Variants in RGS7BP observed in about 807,000 individuals in gnomAD.
The protein encoded by RGS7BP is regulator of G protein signaling 7-binding protein.
In RGS7BP, 9 loss-of-function variants were observed where a neutral mutation model predicts 31.3. The observed-to-expected ratio is 0.29, with a 90% CI of 0.17 to 0.50. RGS7BP has a LOEUF of 0.50. Among genes scored for constraint, RGS7BP ranks in the 20% least tolerant of loss-of-function variants. RGS7BP has a pLI of 0.98. For missense variants in RGS7BP, 274 were observed against 322.0 expected, an observed-to-expected ratio of 0.85 and a Z score of 1.14; for synonymous variants, 115 against 120.1, an observed-to-expected ratio of 0.96 and a Z score of 0.28.
At chr5:64,608,803 G>A (rs1048131163) in intron 5 of RGS7BP, among the ~76,000 whole-genome samples, 9 of 152,066 alleles carry the variant, frequency 5.9e-5, no homozygotes, top group East Asian at 1.9e-4. Flanking sequence ...AGGTATATAC[G>A]TTTCCCAACT....
At position 64,543,499 on chromosome 5, in the gene RGS7BP, A is replaced by C. The variant is rs145524679; in HGVS notation, c.333-32275A>C. 3.3e-3 allele frequency among the ~76,000 whole-genome samples: 507 copies of C among 152,380 alleles called. 3 individuals carry two copies. The highest frequency in any genetic ancestry group is 0.011 in the African/African-American group (475 of 41,594). Reference sequence around the variant, plus strand: ...TCTGTTTCTCATTTCTGTGACAGTTATCTCTCACTCAAGACAGCTCCCTCT... The same window carrying C: ...TCTGTTTCTCATTTCTGTGACAGTTCTCTCTCACTCAAGACAGCTCCCTCT... On this transcript the variant is annotated intron_variant, in intron 2 of 5. Coordinates refer to ENST00000334025, the MANE Select transcript of RGS7BP (RefSeq NM_001029875.3).
chr5:64,609,730 T>C lies in RGS7BP; in HGVS notation c.*478T>C, dbSNP rs1264054203. Reference sequence around the variant, plus strand: ...CAAAAATCCAATCTATCAATATCATTAGAAATAATATTATAAGCAAACATA... The same window carrying C: ...CAAAAATCCAATCTATCAATATCATCAGAAATAATATTATAAGCAAACATA... On this transcript the variant is annotated 3_prime_UTR_variant, in exon 6 of 6. Transcript: ENST00000334025. The C allele has an allele frequency of 1.3e-5, 2 of 154,422 alleles. No homozygotes were observed. Among genetic ancestry groups the C allele is most frequent in the African/African-American group, 4.8e-5 (2 of 41,414 alleles). 9.6% of individuals were successfully genotyped at this position (154,422 alleles called of 1,614,324 possible).
At position 64,506,587 on chromosome 5, in the gene RGS7BP, C is replaced by T. The variant is rs1436542734; in HGVS notation, c.-38C>T. 5 of 1,553,162 alleles carry T rather than the reference C, an allele frequency of 3.2e-6. No individual in the cohort carries two copies. Among genetic ancestry groups the T allele is most frequent in the Non-Finnish European group, 8.8e-7 (1 of 1,139,632 alleles). Reference sequence around the variant, plus strand: ...CAACCGGGCCGCCCGCGCCGGGGCGCACTGCACCAGCGGCTTCGGCTTGGT... The same window carrying T: ...CAACCGGGCCGCCCGCGCCGGGGCGTACTGCACCAGCGGCTTCGGCTTGGT... On this transcript the variant is annotated 5_prime_UTR_variant, in exon 1 of 6. Coordinates refer to ENST00000334025, the MANE Select transcript of RGS7BP (RefSeq NM_001029875.3). This position sits in a 1 kb window ranked among gnomAD's most constrained non-coding sequence, Gnocchi z 4.6.
intron 2 of RGS7BP, among the ~76,000 whole-genome samples, chr5:64,518,669 G>A (rs1290349968): frequency 6.6e-6 from 1 of 152,090 alleles, no homozygotes; most frequent in Non-Finnish European, 1.5e-5. Flanking sequence ...ATCTTCAGCT[G>A]GCAGTAACAT....
intron 2 of RGS7BP, among the ~76,000 whole-genome samples, chr5:64,563,511 G>A (rs969083445): frequency 6.6e-6 from 1 of 152,156 alleles, no homozygotes; most frequent in African/African-American, 2.4e-5. Flanking sequence ...AAAGCTCTGT[G>A]TAGGTGAAAG....
chr5:64,523,990 T>C (rs1382638353), intron 2 of RGS7BP, among the ~76,000 whole-genome samples: 1 of 152,192 alleles, frequency 6.6e-6, no homozygotes, highest in Non-Finnish European at 1.5e-5. Flanking sequence ...TCCACATGCA[T>C]GCTAAATACT....
At chr5:64,543,366 A>G (rs1741573361) in intron 2 of RGS7BP, among the ~76,000 whole-genome samples, 2 of 152,270 alleles carry the variant, frequency 1.3e-5, no homozygotes, top group Admixed American at 1.3e-4. Flanking sequence ...AAGAGAATTA[A>G]TTGGTGCAAA....
At chr5:64,531,385 C>T (rs1315279738) in intron 2 of RGS7BP, among the ~76,000 whole-genome samples, 2 of 152,100 alleles carry the variant, frequency 1.3e-5, no homozygotes, top group African/African-American at 4.8e-5. Flanking sequence ...ATAACAGAGT[C>T]ATTGGAGACT....
At position 64,610,892 on chromosome 5, in the gene RGS7BP, T is replaced by C. The variant is rs1216336021; in HGVS notation, c.*1640T>C. On this transcript the variant is annotated 3_prime_UTR_variant, in exon 6 of 6. Transcript: ENST00000334025. ...ATTAAAGGGTTGGAAGAGAACGTTATACAGGTCTCTATTTAGATCATACCA... is the reference window on the plus strand; with the variant it reads ...ATTAAAGGGTTGGAAGAGAACGTTACACAGGTCTCTATTTAGATCATACCA... 1 of 151,966 alleles carries C rather than the reference T, an allele frequency of 6.6e-6. No homozygotes were observed. Among genetic ancestry groups the C allele is most frequent in the Admixed American group, 6.6e-5 (1 of 15,212 alleles). The allele number at this position is 151,966 out of a possible 1,614,324, so 9.4% of individuals were successfully genotyped here. A position where few individuals can be genotyped will look rare whatever the true frequency, so the allele number is the denominator to read the frequency against.
intron 2 of RGS7BP, among the ~76,000 whole-genome samples, chr5:64,538,538 TTCCTTTTC>T: frequency 2.7e-5 from 3 of 110,956 alleles, no homozygotes; most frequent in Admixed American, 1.0e-4. Flanking sequence ...CTTTTTTTTT[TTCCTTTTC>T]TTTTTTTTTT....
chr5:64,530,976 C>T (rs947675494), intron 2 of RGS7BP, among the ~76,000 whole-genome samples: 2 of 152,192 alleles, frequency 1.3e-5, no homozygotes, highest in Admixed American at 6.5e-5. Context: ...GCCAACACCA[C>T]TGATGGATGC....
chr5:64,519,840 A>G (rs1749064969), intron 2 of RGS7BP, among the ~76,000 whole-genome samples: 1 of 152,240 alleles, frequency 6.6e-6, no homozygotes, highest in Non-Finnish European at 1.5e-5. Flanking sequence ...ATTTACCTGC[A>G]AATAGCAGAG....
Position 64,554,964 on chromosome 5 carries a change from T to C in RGS7BP, c.333-20810T>C, listed in dbSNP as rs1561332949. 2.0e-5 allele frequency among the ~76,000 whole-genome samples: 3 copies of C among 151,814 alleles called. No homozygotes were observed. The South Asian group carries it at 6.3e-4, about 32-fold the overall frequency. On this transcript the variant is annotated intron_variant, in intron 2 of 5. Coordinates refer to ENST00000334025, the MANE Select transcript of RGS7BP (RefSeq NM_001029875.3). ...TTATATACAGCTAAAAAAGGTAAAC[T>C]GGAAGATGGATCTGAAGAAAATGCA...
At chr5:64,511,958 G>T (rs1748849994) in intron 2 of RGS7BP, among the ~76,000 whole-genome samples, 1 of 152,180 alleles carries the variant, frequency 6.6e-6, no homozygotes, top group African/African-American at 2.4e-5. Flanking sequence ...GCTGCTCTAA[G>T]ACTGGGACTT....
chr5:64,512,896 T>C (rs144782225), intron 2 of RGS7BP, among the ~76,000 whole-genome samples: 146 of 152,308 alleles, frequency 9.6e-4, no homozygotes, highest in African/African-American at 3.4e-3. Flanking sequence ...GCCTAGATTC[T>C]TCATATATCA....
Position 64,544,555 on chromosome 5 carries a change from T to C in RGS7BP, c.333-31219T>C, listed in dbSNP as rs1441597058. Among the ~76,000 whole-genome samples the C allele has an allele frequency of 2.7e-5, 4 of 150,736 alleles. No homozygotes were observed. The East Asian group carries it at 7.8e-4, about 29-fold the overall frequency. The stretch of plus-strand genomic sequence containing the variant: ...CAAGGGTAGTGGTGCATGCCTATAG[T>C]CCTAGCCACCTGGGAAGCTGAGGCA... On this transcript the variant is annotated intron_variant, in intron 2 of 5. Transcript: ENST00000334025.
intron 2 of RGS7BP, among the ~76,000 whole-genome samples, chr5:64,508,279 C>A (rs1245083249): frequency 2.0e-5 from 3 of 152,106 alleles, no homozygotes; most frequent in African/African-American, 7.2e-5. Flanking sequence ...TCCCAAATCC[C>A]AGATTTACTA....
chr5:64,507,809 G>C lies in RGS7BP; in HGVS notation c.264G>C (p.Met88Ile). 6.2e-7 allele frequency: 1 copy of C among 1,613,962 alleles called. No individual in the cohort carries two copies. The highest frequency in any genetic ancestry group is 8.5e-7 in the Non-Finnish European group (1 of 1,179,964). The change falls in exon 2 of 6, where the codon ATG (methionine) becomes ATC (isoleucine). Residue 88 changes from methionine (M) to isoleucine (I), a missense_variant. By Grantham distance (10) the Met-to-Ile change is conservative (BLOSUM62 1). Transcript: ENST00000334025. The part of the protein sequence containing the change: ...SVSCPSLRAE[M>I]HKTRTKGCEM... The stretch of plus-strand genomic sequence containing the variant: ...GCTGCCCCTCACTCCGGGCGGAAAT[G>C]CACAAGACAAGAACCAAAGGCTGTG...
intron 5 of RGS7BP, among the ~76,000 whole-genome samples, chr5:64,602,166 A>G (rs1346842980): frequency 1.3e-5 from 2 of 152,184 alleles, no homozygotes; most frequent in African/African-American, 4.8e-5. Flanking sequence ...TGTGTGAGGC[A>G]GAAGAATTCT....
Sources: allele counts gnomAD v4.1 joint callset (sites outside exome capture counted in the v4.1 genomes callset), GRCh38; gene constraint gnomAD v4.1.1; non-coding constraint Gnocchi (gnomAD v3.1); transcripts MANE v1.5; gene names NCBI Gene and HGNC (gene_info 2026-07-23, HGNC 2026-07-21).